The following CCDC27 variants were observed in gnomAD, a reference collection of about 807,000 sequenced individuals.
The protein encoded by CCDC27 is coiled-coil domain containing 27, also known as coiled-coil domain-containing protein 27.
CCDC27 carries 80 observed loss-of-function variants against 80.3 expected under a neutral mutation model. The ratio of observed to expected loss-of-function variants is 1.00; its 90% confidence interval spans 0.83 to 1.20. The LOEUF (loss-of-function observed/expected upper bound fraction) is 1.20. CCDC27 is among the 50% of genes most tolerant of loss of function. The probability of loss-of-function intolerance (pLI) is 0.00; values close to 1 mark genes in which losing one functional copy is unlikely to be tolerated. For synonymous variants in CCDC27, 342 were observed against 334.3 expected (o/e 1.02, Z -0.25); for missense variants, 815 against 809.4 (o/e 1.01, Z -0.08).
intron 8 of CCDC27, among the ~76,000 whole-genome samples, chr1:3,765,489 G>T (rs1266994486): frequency 6.6e-6 from 1 of 152,036 alleles, no homozygotes; most frequent in Non-Finnish European, 1.5e-5. Context: ...CAACCTTTTT[G>T]TCTCTTTGTC....
rs746602099 is a variant in CCDC27, at chr1:3,767,416, C to T, written c.1714C>T (p.Arg572Cys). 2.5e-5 allele frequency: 41 copies of T among 1,613,124 alleles called. No individual in the cohort carries two copies. The highest frequency in any genetic ancestry group is 2.5e-4 in the East Asian group (11 of 44,892). Reference sequence around the variant, plus strand: ...GATTCAGCAGGCAGAGCAGCACACCCGCGTGGCCCTGGAGAGCTCCCAGTC... The same window carrying T: ...GATTCAGCAGGCAGAGCAGCACACCTGCGTGGCCCTGGAGAGCTCCCAGTC... Reference protein sequence around the residue: ...EMIQQAEQHTRVALESSQSRL... With the variant: ...EMIQQAEQHTCVALESSQSRL... The change falls in exon 10 of 12, where the codon CGC becomes TGC. Residue 572 changes from arginine to cysteine, a missense_variant. Transcript: ENST00000294600.
chr1:3,762,992 C>G, intron 6 of CCDC27, 116 bp from the exon 7 acceptor site: 1 of 1,292,254 alleles, frequency 7.7e-7, no homozygotes, highest in African/African-American at 1.5e-5. Context: ...CTCCCTGGAC[C>G]CTGCAGCAGC....
intron 4 of CCDC27, among the ~76,000 whole-genome samples, chr1:3,759,661 A>T (rs1013153205): frequency 1.3e-5 from 2 of 152,230 alleles, no homozygotes; most frequent in African/African-American, 4.8e-5. Context: ...TTGGGGGGTC[A>T]TATGACTGAA....
intron 5 of CCDC27, 140 bp from the exon 6 acceptor site, chr1:3,762,480 C>T: frequency 3.0e-6 from 2 of 661,518 alleles, no homozygotes; most frequent in Non-Finnish European, 5.2e-6. Flanking sequence ...GCACCCACAT[C>T]CCCCAGCCCC....
In CCDC27 at chr1:3,761,580, G is replaced by C. The variant is rs941166483; in HGVS notation, c.861+150G>C. On this transcript the variant is annotated intron_variant, in intron 5 of 11. Transcript: ENST00000294600. This position sits in a 1 kb window ranked among gnomAD's most constrained non-coding sequence, Gnocchi z 5.0. ...CACTGGAACGTGGACCGGTTCTCAG[G>C]GTTCTGATCAACAGGCAGGGGAGAG... is the stretch of plus-strand genomic sequence containing the variant. 6.6e-6 allele frequency: 6 copies of C among 915,854 alleles called. No individual in the cohort carries two copies. Among genetic ancestry groups the C allele is most frequent in the Non-Finnish European group, 9.6e-6 (6 of 626,160 alleles). The allele number at this position is 915,854 out of a possible 1,614,324, so 56.7% of individuals were successfully genotyped here. A position where few individuals can be genotyped will look rare whatever the true frequency, so the allele number is the denominator to read the frequency against.
In CCDC27 at chr1:3,763,033, G is replaced by T. The variant is rs571323130; in HGVS notation, c.955-75G>T. The T allele has an allele frequency of 7.0e-6, 10 of 1,426,216 alleles. No homozygotes were observed. The South Asian group carries it at 1.2e-4, about 17-fold the overall frequency. 88.3% of individuals were successfully genotyped at this position (1,426,216 alleles called of 1,614,324 possible). On this transcript the variant is annotated intron_variant, in intron 6 of 11. Transcript: ENST00000294600. The surrounding 1 kb of genome is among the most constrained non-coding windows in gnomAD (Gnocchi z 7.5). ...AGGAGGCGCCCTCCCCGGTGCCCCC[G>T]CCATGAGCATTAGAGCCCTCTGCCC...
rs1015496421 is a variant in CCDC27, at chr1:3,766,175, T to C, written c.1453-360T>C. ...GCCACTGCACGTGGCCTAGGGCTCT[T>C]CATTTCTGAAATAACATTCCACCAA... On this transcript the variant is annotated intron_variant, in intron 8 of 11. Coordinates refer to ENST00000294600, the MANE Select transcript of CCDC27 (RefSeq NM_152492.3). The surrounding 1 kb of genome is among the most constrained non-coding windows in gnomAD (Gnocchi z 6.1). Among the ~76,000 whole-genome samples, 7 of 152,188 alleles carry C rather than the reference T, an allele frequency of 4.6e-5. No homozygotes were observed. The highest frequency in any genetic ancestry group is 1.7e-4 in the African/African-American group (7 of 41,442).
At chr1:3,770,017 G>A in intron 11 of CCDC27, 130 bp downstream of exon 11, 1 of 674,910 alleles carries the variant, frequency 1.5e-6, no homozygotes, top group South Asian at 1.7e-5. Context: ...TATTCACTTG[G>A]ACCCCAGGAC....
In CCDC27 at chr1:3,758,263, G is replaced by A. The variant is rs541919038; in HGVS notation, c.711+1373G>A. On this transcript the variant is annotated intron_variant, in intron 4 of 11. Transcript: ENST00000294600. ...GGAGTGCAGTGGCGCCATTCAGCTCGCTGCCACCTCTGCCTCCCGGGTTCA... is the reference window on the plus strand; with the variant it reads ...GGAGTGCAGTGGCGCCATTCAGCTCACTGCCACCTCTGCCTCCCGGGTTCA... Among the ~76,000 whole-genome samples, 21 of 149,210 alleles carry A rather than the reference G, an allele frequency of 1.4e-4. No individual in the cohort carries two copies. The South Asian group carries it at 3.2e-3, about 23-fold the overall frequency.
At position 3,761,533 on chromosome 1, in the gene CCDC27, C is replaced by A; in HGVS notation, c.861+103C>A. The stretch of plus-strand genomic sequence containing the variant: ...ACAGGCCCCTGGCAAACCCCCAGGC[C>A]CCCTGGATCCTATCAGGTCCTCACT... On this transcript the variant is annotated intron_variant, in intron 5 of 11. Transcript: ENST00000294600. The surrounding 1 kb of genome is among the most constrained non-coding windows in gnomAD (Gnocchi z 5.0). The A allele has an allele frequency of 1.5e-6, 2 of 1,359,602 alleles. No individual in the cohort carries two copies. The highest frequency in any genetic ancestry group is 2.0e-6 in the Non-Finnish European group (2 of 1,000,546). The allele number at this position is 1,359,602 out of a possible 1,614,324, so 84.2% of individuals were successfully genotyped here. A position where few individuals can be genotyped will look rare whatever the true frequency, so the allele number is the denominator to read the frequency against.
intron 2 of CCDC27, among the ~76,000 whole-genome samples, chr1:3,754,854 G>A (rs1328122887): frequency 2.6e-5 from 3 of 113,954 alleles, no homozygotes; most frequent in Non-Finnish European, 3.6e-5. Context: ...GGGTGGGGGG[G>A]TTGGGGAGGG....
At position 3,763,993 on chromosome 1, in the gene CCDC27, T is replaced by G. The variant is rs547375977; in HGVS notation, c.1452+157T>G. On this transcript the variant is annotated intron_variant, in intron 8 of 11. Coordinates refer to ENST00000294600, the MANE Select transcript of CCDC27 (RefSeq NM_152492.3). This position sits in a 1 kb window ranked among gnomAD's most constrained non-coding sequence, Gnocchi z 7.5. ...AGCTGGCCCAGGGTTGTGCGGCTGA[T>G]AGCGGCCCCGCTAGGATTCCCCAAG... Among the ~76,000 whole-genome samples, 45 of 152,176 alleles carry G rather than the reference T, an allele frequency of 3.0e-4. No individual in the cohort carries two copies. The highest frequency in any genetic ancestry group is 5.6e-4 in the Non-Finnish European group (38 of 68,028).
chr1:3,763,189 G>A lies in CCDC27; in HGVS notation c.1036G>A (p.Glu346Lys), dbSNP rs1311252462. 2.0e-6 allele frequency: 3 copies of A among 1,513,546 alleles called. No homozygotes were observed. Among genetic ancestry groups the A allele is most frequent in the Non-Finnish European group, 2.7e-6 (3 of 1,127,936 alleles). 93.8% of individuals were successfully genotyped at this position (1,513,546 alleles called of 1,614,324 possible). The part of the protein sequence containing the change: ...GGEEDEGLEG[E>K]PDGVEDTGAW... ...CGAGGAGGACGAGGGCCTGGAAGGG[G>A]AGCCCGATGGGGTGGAGGACACGGG... The change falls in exon 7 of 12, where the codon GAG (glutamate) becomes AAG (lysine). Residue 346 changes from glutamate to lysine, a missense_variant. By Grantham distance (56) the Glu-to-Lys change is moderately conservative (BLOSUM62 1). Coordinates refer to ENST00000294600, the MANE Select transcript of CCDC27 (RefSeq NM_152492.3). The surrounding 1 kb of genome is among the most constrained non-coding windows in gnomAD (Gnocchi z 7.5).
chr1:3,765,402 T>C (rs1038484399), intron 8 of CCDC27, among the ~76,000 whole-genome samples: 2 of 152,200 alleles, frequency 1.3e-5, no homozygotes, highest in Admixed American at 1.3e-4. Context: ...TGGAATTTTC[T>C]TTGGTTTTAT....
At chr1:3,762,943 G>A (rs760696931) in intron 6 of CCDC27, 165 bp from the exon 7 acceptor site, 2 of 908,188 alleles carry the variant, frequency 2.2e-6, no homozygotes, top group Non-Finnish European at 3.2e-6. Context: ...ACAGTGCCTG[G>A]GCCACTGTTG....
At chr1:3,757,945 G>T (rs1642997364) in intron 4 of CCDC27, among the ~76,000 whole-genome samples, 1 of 151,592 alleles carries the variant, frequency 6.6e-6, no homozygotes, top group Non-Finnish European at 1.5e-5. Context: ...AAAAGAAATG[G>T]GGTTTCCCCA....
rs899250751 is a variant in CCDC27 at position 3,760,967 on chromosome 1, G to A, written c.712-314G>A. 4.6e-5 allele frequency among the ~76,000 whole-genome samples: 7 copies of A among 152,128 alleles called. No individual in the cohort carries two copies. Among genetic ancestry groups the A allele is most frequent in the African/African-American group, 1.7e-4 (7 of 41,408 alleles). On this transcript the variant is annotated intron_variant, in intron 4 of 11. Coordinates refer to ENST00000294600, the MANE Select transcript of CCDC27 (RefSeq NM_152492.3). This position sits in a 1 kb window ranked among gnomAD's most constrained non-coding sequence, Gnocchi z 4.3. ...GTCCTGTGGTATAGTGGGGTGCAGG[G>A]ACACACCACGGGCCAGGTCCGAAAG...
At chr1:3,753,362 C>A (rs1358443822) in intron 1 of CCDC27, among the ~76,000 whole-genome samples, 1 of 135,426 alleles carries the variant, frequency 7.4e-6, no homozygotes. Flanking sequence ...TCACTCTTGT[C>A]ACCCGGGCTG....
Position 3,768,531 on chromosome 1 carries a change from G to C in CCDC27, c.1743+1086G>C, listed in dbSNP as rs1026564946. ...TTCCTGCTTGAGTCCACCTCCTTCC[G>C]GCTGGGTCAGACTGAGGCACCCACC... On this transcript the variant is annotated intron_variant, in intron 10 of 11. Transcript: ENST00000294600. This position sits in a 1 kb window ranked among gnomAD's most constrained non-coding sequence, Gnocchi z 5.6. Among the ~76,000 whole-genome samples the C allele has an allele frequency of 6.6e-6, 1 of 152,052 alleles. No homozygotes were observed. The highest frequency in any genetic ancestry group is 1.5e-5 in the Non-Finnish European group (1 of 68,018).
Sources: allele counts gnomAD v4.1 joint callset (sites outside exome capture counted in the v4.1 genomes callset), GRCh38; gene constraint gnomAD v4.1.1; non-coding constraint Gnocchi (gnomAD v3.1); transcripts MANE v1.5; gene names NCBI Gene and HGNC (gene_info 2026-07-23, HGNC 2026-07-21).